Variants in RBKS observed in about 807,000 individuals in gnomAD.
RBKS encodes ribokinase.
A neutral mutation model predicts 33.9 loss-of-function variants in RBKS; 33 were observed. The ratio of observed to expected loss-of-function variants is 0.97; its 90% CI spans 0.74 to 1.30. RBKS has a LOEUF of 1.30. Among genes scored for constraint, RBKS ranks in the 50% most tolerant of loss-of-function variants. The pLI, the probability that RBKS is intolerant of heterozygous loss-of-function variation, is 0.00. For synonymous variants in RBKS, 125 were observed against 143.0 expected (o/e 0.87, Z 0.90); for missense variants, 361 against 392.6 (o/e 0.92, Z 0.68).
At chr2:27,831,633 T>C (rs1255451900) in intron 6 of RBKS, among the ~76,000 whole-genome samples, 3 of 152,210 alleles carry the variant, frequency 2.0e-5, no homozygotes. Context: ...AGCCTTCATA[T>C]AGACTTTAAA....
chr2:27,784,760 C>T (rs977151255), intron 7 of RBKS, among the ~76,000 whole-genome samples: 1 of 152,138 alleles, frequency 6.6e-6, no homozygotes, highest in Non-Finnish European at 1.5e-5. Context: ...GATAGTAATG[C>T]GGTGTGAATG....
rs1362072864 is a variant in RBKS, at chr2:27,817,852, T to C, written c.795+9715A>G. 3.9e-5 allele frequency among the ~76,000 whole-genome samples: 6 copies of C among 152,306 alleles called. No individual in the cohort carries two copies. In the South Asian group the frequency reaches 1.0e-3, roughly 26 times the overall value. ...GAGCCCCTTATAAAATCATCAGATC[T>C]CGTGAGAACTCACTATCACAAGAAT... On this transcript the variant is annotated intron_variant, in intron 7 of 7. Coordinates refer to ENST00000302188, the MANE Select transcript of RBKS (RefSeq NM_022128.3).
intron 7 of RBKS, among the ~76,000 whole-genome samples, chr2:27,798,544 C>T (rs748135088): frequency 6.6e-6 from 1 of 152,170 alleles, no homozygotes; most frequent in Non-Finnish European, 1.5e-5. Context: ...CCTACCCCCA[C>T]TGCCCCAGTA....
At chr2:27,883,592 G>A (rs1286428466) in intron 1 of RBKS, among the ~76,000 whole-genome samples, 1 of 152,154 alleles carries the variant, frequency 6.6e-6, no homozygotes, top group Non-Finnish European at 1.5e-5. Context: ...TCATCACAAA[G>A]TCCACCTTAC....
chr2:27,782,798 C>A (rs1677314428), intron 7 of RBKS: 1 of 291,052 alleles, frequency 3.4e-6, no homozygotes, highest in South Asian at 3.1e-5. Flanking sequence ...TGTTGGAAAG[C>A]AAGGCATTAC....
chr2:27,851,859 G>A (rs893533034), intron 2 of RBKS, among the ~76,000 whole-genome samples: 7 of 152,118 alleles, frequency 4.6e-5, no homozygotes, highest in Non-Finnish European at 8.8e-5. Flanking sequence ...ATTCTTGAAG[G>A]AACATGACTA....
intron 7 of RBKS, among the ~76,000 whole-genome samples, chr2:27,816,621 G>GT (rs548846531): frequency 1.3e-5 from 2 of 151,494 alleles, no homozygotes; most frequent in South Asian, 2.1e-4. Flanking sequence ...TTGTTTTTTT[G>GT]TTTTTTTGTT....
At chr2:27,821,196 A>G (rs1244240436) in intron 7 of RBKS, among the ~76,000 whole-genome samples, 1 of 152,166 alleles carries the variant, frequency 6.6e-6, no homozygotes, top group Non-Finnish European at 1.5e-5. Flanking sequence ...ATTTTGGCCA[A>G]ACTTATGGGT....
chr2:27,849,559 C>CAAAAAAAAAA (rs70953894), intron 2 of RBKS, among the ~76,000 whole-genome samples: 25 of 28,576 alleles, frequency 8.7e-4, no homozygotes, highest in East Asian at 2.8e-3. Context: ...GACTCTGTCT[C>CAAAAAAAAAA]AAAAAAAAAA....
intron 7 of RBKS, among the ~76,000 whole-genome samples, chr2:27,782,080 A>G (rs1458778032): frequency 6.6e-6 from 1 of 151,966 alleles, no homozygotes; most frequent in Non-Finnish European, 1.5e-5. Flanking sequence ...CCATCATACC[A>G]TATTACATTT....
intron 1 of RBKS, among the ~76,000 whole-genome samples, chr2:27,872,334 AAGT>A: frequency 6.6e-6 from 1 of 152,330 alleles, no homozygotes; most frequent in African/African-American, 2.4e-5. Context: ...AAAAAGAAAA[AAGT>A]AGTGCAGTTA....
intron 1 of RBKS, chr2:27,870,025 T>A (rs1268333682): frequency 2.0e-5 from 3 of 152,302 alleles, no homozygotes; most frequent in Admixed American, 1.3e-4. Flanking sequence ...ACGGACAAAG[T>A]CGATTCACCT....
At chr2:27,871,820 G>A (rs1664217784) in intron 1 of RBKS, among the ~76,000 whole-genome samples, 1 of 152,204 alleles carries the variant, frequency 6.6e-6, no homozygotes, top group Admixed American at 6.5e-5. Flanking sequence ...AAGTCTGCAA[G>A]CAGTTGATTT....
chr2:27,879,920 A>G (rs1664386178), intron 1 of RBKS, among the ~76,000 whole-genome samples: 1 of 152,224 alleles, frequency 6.6e-6, no homozygotes, highest in South Asian at 2.1e-4. Flanking sequence ...TACAAAGAAG[A>G]GCTAGTACCA....
intron 7 of RBKS, among the ~76,000 whole-genome samples, chr2:27,791,644 T>A (rs969900261): frequency 3.8e-5 from 4 of 104,138 alleles, no homozygotes; most frequent in East Asian, 2.8e-4. Context: ...ACACACACAC[T>A]AAATATACAT....
intron 7 of RBKS, among the ~76,000 whole-genome samples, chr2:27,817,414 T>C (rs1269053013): frequency 6.6e-6 from 1 of 152,204 alleles, no homozygotes; most frequent in African/African-American, 2.4e-5. Flanking sequence ...CTGATGAGAA[T>C]GAATGAACAT....
In RBKS at chr2:27,836,601, G is replaced by T. The variant is rs144358891; in HGVS notation, c.515-3824C>A. The stretch of plus-strand genomic sequence containing the variant: ...CACTGGCATTGGCAAAGAATTTTTG[G>T]CTAAGTCCCCCAAAGCAACTGTAAC... On this transcript the variant is annotated intron_variant, in intron 5 of 7. Transcript: ENST00000302188. Among the ~76,000 whole-genome samples the T allele has an allele frequency of 6.4e-3, 967 of 152,234 alleles. 7 individuals are homozygous for T. Among genetic ancestry groups the T allele is most frequent in the Non-Finnish European group, 7.9e-3 (538 of 68,012 alleles).
chr2:27,871,672 T>C (rs1664214960), intron 1 of RBKS, among the ~76,000 whole-genome samples: 2 of 152,300 alleles, frequency 1.3e-5, no homozygotes, highest in South Asian at 4.1e-4. Flanking sequence ...AAAATAACTG[T>C]TGGATTCTGA....
intron 1 of RBKS, among the ~76,000 whole-genome samples, chr2:27,860,710 G>T (rs892485527): frequency 1.3e-5 from 2 of 152,166 alleles, no homozygotes; most frequent in Non-Finnish European, 2.9e-5. Flanking sequence ...CACAAGCATT[G>T]TATTAATTCA....
Sources: allele counts gnomAD v4.1 joint callset (sites outside exome capture counted in the v4.1 genomes callset), GRCh38; gene constraint gnomAD v4.1.1; transcripts MANE v1.5; gene names NCBI Gene and HGNC (gene_info 2026-07-23, HGNC 2026-07-21).